The following LTBP1 variants were observed in gnomAD, a reference collection of about 807,000 sequenced individuals.
LTBP1 encodes latent-transforming growth factor beta-binding protein 1.
In LTBP1, 129 loss-of-function variants were observed where a neutral mutation model predicts 207.6. That is an observed-to-expected ratio of 0.62 (90% confidence interval 0.54 to 0.72). The LOEUF (loss-of-function observed/expected upper bound fraction) is 0.72, where lower values mean the gene tolerates loss of function less well. Among genes scored for constraint, LTBP1 ranks in the 30% least tolerant of loss-of-function variants. The pLI, the probability that LTBP1 is intolerant of heterozygous loss-of-function variation, is 0.00. For missense variants in LTBP1, 2,281 were observed against 2,217.2 expected, an observed-to-expected ratio of 1.03 and a Z score of -0.58; for synonymous variants, 963 against 833.7, an observed-to-expected ratio of 1.16 and a Z score of -2.67.
At chr2:33,277,797 C>CTTTCTTTCTTTCTTTCTTTCTT (rs369628420) in intron 18 of LTBP1, among the ~76,000 whole-genome samples, 46 of 80,354 alleles carry the variant, frequency 5.7e-4, no homozygotes, top group African/African-American at 1.9e-3. Context: ...TTCTTTCTTT[C>CTTTCTTTCTTTCTTTCTTTCTT]TCTCTCTCTT....
intron 22 of LTBP1, among the ~76,000 whole-genome samples, chr2:33,303,644 C>T (rs911014170): frequency 6.6e-6 from 1 of 152,174 alleles, no homozygotes; most frequent in African/African-American, 2.4e-5. Flanking sequence ...GCCACCGCAC[C>T]TGGCCTGCAT....
At chr2:33,063,286 ACT>A (rs1014850936) in intron 3 of LTBP1, among the ~76,000 whole-genome samples, 16 of 152,146 alleles carry the variant, frequency 1.1e-4, no homozygotes, top group African/African-American at 3.6e-4. Context: ...CCTGGTGAAA[ACT>A]ATTTTCATAA....
At chr2:33,020,306 AG>A (rs1176744257) in intron 2 of LTBP1, among the ~76,000 whole-genome samples, 5 of 152,062 alleles carry the variant, frequency 3.3e-5, no homozygotes, top group Non-Finnish European at 7.4e-5. Context: ...TCTATAGGAG[AG>A]CACTTTTTGG....
chr2:33,148,270 CAA>C (rs2083215640), intron 5 of LTBP1, among the ~76,000 whole-genome samples: 1 of 152,184 alleles, frequency 6.6e-6, no homozygotes, highest in African/African-American at 2.4e-5. Flanking sequence ...TAATTTGAGA[CAA>C]GAGAAGCTAC....
intron 24 of LTBP1, among the ~76,000 whole-genome samples, chr2:33,328,293 C>G (rs972173913): frequency 1.3e-5 from 2 of 152,164 alleles, no homozygotes; most frequent in African/African-American, 4.8e-5. Flanking sequence ...GTGATTATTC[C>G]CCACCCTCAT....
chr2:33,165,134 C>A (rs2148248134), intron 5 of LTBP1, among the ~76,000 whole-genome samples: 1 of 152,208 alleles, frequency 6.6e-6, no homozygotes, highest in Non-Finnish European at 1.5e-5. Flanking sequence ...TAGAAAAATT[C>A]TGTAGGGAAG....
At chr2:33,324,956 C>T (rs1196505733) in intron 24 of LTBP1, among the ~76,000 whole-genome samples, 6 of 152,158 alleles carry the variant, frequency 3.9e-5, no homozygotes, top group Admixed American at 6.5e-5. Context: ...CCACCCACCT[C>T]GGCCTCCCAA....
chr2:32,980,191 C>A (rs956068200), intron 2 of LTBP1, among the ~76,000 whole-genome samples: 6 of 152,074 alleles, frequency 3.9e-5, no homozygotes, highest in Admixed American at 3.9e-4. Context: ...TAAGGACTTA[C>A]TCTTACAATT....
At chr2:33,018,685 A>G (rs1360059716) in intron 2 of LTBP1, among the ~76,000 whole-genome samples, 3 of 152,224 alleles carry the variant, frequency 2.0e-5, no homozygotes, top group African/African-American at 7.2e-5. Flanking sequence ...TCTGAATTCT[A>G]GAAACACAGA....
chr2:33,131,385 ATC>A (rs1296017900), intron 4 of LTBP1, among the ~76,000 whole-genome samples: 1 of 152,222 alleles, frequency 6.6e-6, no homozygotes. Flanking sequence ...CAGAGCATGG[ATC>A]TCTGTTTGAT....
intron 7 of LTBP1, among the ~76,000 whole-genome samples, chr2:33,216,542 G>A (rs138914181): frequency 1.9e-4 from 29 of 152,198 alleles, no homozygotes; most frequent in African/African-American, 6.7e-4. Flanking sequence ...GTTTTTAATC[G>A]GTAATGTGAC....
At chr2:33,225,853 C>A (rs1266926177) in intron 9 of LTBP1, among the ~76,000 whole-genome samples, 1 of 152,088 alleles carries the variant, frequency 6.6e-6, no homozygotes, top group Non-Finnish European at 1.5e-5. Flanking sequence ...CTGTTCCTGG[C>A]TGATTTCACT....
At chr2:32,967,083 C>T (rs1288348102) in intron 2 of LTBP1, among the ~76,000 whole-genome samples, 2 of 152,038 alleles carry the variant, frequency 1.3e-5, no homozygotes, top group Non-Finnish European at 2.9e-5. Flanking sequence ...TGATCCATTT[C>T]ATTTAGATTA....
At chr2:33,300,806 A>T (rs1343781005) in intron 21 of LTBP1, among the ~76,000 whole-genome samples, 1 of 152,212 alleles carries the variant, frequency 6.6e-6, no homozygotes, top group Non-Finnish European at 1.5e-5. Flanking sequence ...TAGTATTAAG[A>T]AGAAAAATTA....
intron 32 of LTBP1, among the ~76,000 whole-genome samples, chr2:33,392,480 G>A (rs181522080): frequency 4.7e-4 from 71 of 152,288 alleles, no homozygotes; most frequent in Non-Finnish European, 6.8e-4. Context: ...ACACCGCACC[G>A]AGCCCAGATG....
At chr2:33,130,731 A>G (rs2081737520) in intron 4 of LTBP1, among the ~76,000 whole-genome samples, 3 of 152,076 alleles carry the variant, frequency 2.0e-5, no homozygotes, top group Admixed American at 1.3e-4. Context: ...CGCTGCAGAC[A>G]GGATGTTGAC....
chr2:33,261,931 G>A (rs2093023532), intron 13 of LTBP1, among the ~76,000 whole-genome samples: 1 of 152,226 alleles, frequency 6.6e-6, no homozygotes, highest in African/African-American at 2.4e-5. Flanking sequence ...AACTCGATGA[G>A]TACTTGAATG....
intron 24 of LTBP1, among the ~76,000 whole-genome samples, chr2:33,318,633 G>C (rs943164289): frequency 6.6e-6 from 1 of 152,098 alleles, no homozygotes; most frequent in Non-Finnish European, 1.5e-5. Flanking sequence ...AGGGGAACAG[G>C]ACTCTTCTGA....
chr2:33,370,972 A>G (rs765081324), intron 31 of LTBP1, among the ~76,000 whole-genome samples: 1 of 152,220 alleles, frequency 6.6e-6, no homozygotes, highest in Non-Finnish European at 1.5e-5. Flanking sequence ...TAAAGCAGCA[A>G]CTACATCTGA....
Sources: gnomAD v4.1 joint callset for allele counts (sites outside exome capture counted in the v4.1 genomes callset) on GRCh38, gnomAD v4.1.1 for gene constraint, MANE v1.5 for transcripts, NCBI Gene and HGNC (gene_info 2026-07-23, HGNC 2026-07-21) for gene names.